Variants in DOCK4 observed in about 807,000 individuals in gnomAD.
The protein encoded by DOCK4 is dedicator of cytokinesis 4.
Under a neutral mutation model 268.1 loss-of-function variants are expected in DOCK4, and 97 were observed. That is an observed-to-expected ratio of 0.36 (90% CI 0.31 to 0.43). The LOEUF (loss-of-function observed/expected upper bound fraction) is 0.43. Among genes scored for constraint, DOCK4 ranks in the 20% least tolerant of loss-of-function variants. The probability of loss-of-function intolerance (pLI) is 1.00; values close to 1 mark genes in which losing one functional copy is unlikely to be tolerated. For synonymous variants in DOCK4, 954 were observed against 887.2 expected (o/e 1.08, Z -1.34); for missense variants, 2,145 against 2,455.7 (o/e 0.87, Z 2.67).
intron 8 of DOCK4, among the ~76,000 whole-genome samples, chr7:111,964,933 G>A (rs1797265858): frequency 8.9e-6 from 1 of 112,454 alleles, no homozygotes; most frequent in Non-Finnish European, 1.7e-5. Context: ...TTTCAACCCA[G>A]AATTTCATAT....
intron 1 of DOCK4, among the ~76,000 whole-genome samples, chr7:112,148,074 T>C (rs1350438165): frequency 1.3e-5 from 2 of 152,012 alleles, no homozygotes; most frequent in African/African-American, 4.8e-5. Flanking sequence ...TTCTAGTAAA[T>C]TGTCGCTGAA....
chr7:111,849,217 C>T (rs1804347855), intron 23 of DOCK4, among the ~76,000 whole-genome samples: 2 of 151,218 alleles, frequency 1.3e-5, no homozygotes, highest in African/African-American at 4.9e-5. Flanking sequence ...GACCCTTATT[C>T]TGGTAACAGT....
At position 111,983,862 on chromosome 7, in the gene DOCK4, G is replaced by GCACACACACACACACACACACACACA. The variant is rs1554402961; in HGVS notation, c.549+443_549+444insTGTGTGTGTGTGTGTGTGTGTGTGTG. Reference sequence around the variant, plus strand: ...CACACACACGCGCGCGCGCGCGCGCGCACACACACACACACACACACACAC... The same window carrying GCACACACACACACACACACACACACA: ...CACACACACGCGCGCGCGCGCGCGCGCACACACACACACACACACACACACACACACACACACACACACACACACAC... On this transcript the variant is annotated intron_variant, in intron 7 of 52. Transcript: ENST00000428084. 4.8e-3 allele frequency among the ~76,000 whole-genome samples: 659 copies of GCACACACACACACACACACACACACA among 138,584 alleles called. 2 individuals are homozygous for GCACACACACACACACACACACACACA. The highest frequency in any genetic ancestry group is 0.011 in the Middle Eastern group (3 of 276). 90.9% of individuals were successfully genotyped at this position (138,584 alleles called of 152,430 possible). A position where few individuals can be genotyped will look rare whatever the true frequency, so the allele number is the denominator to read the frequency against.
intron 1 of DOCK4, among the ~76,000 whole-genome samples, chr7:112,158,140 G>A (rs1166345569): frequency 6.6e-6 from 1 of 152,188 alleles, no homozygotes; most frequent in African/African-American, 2.4e-5. Context: ...AGGAGAACCT[G>A]TAAGAACAGA....
intron 7 of DOCK4, among the ~76,000 whole-genome samples, chr7:111,980,897 T>A (rs1798559881): frequency 6.6e-6 from 1 of 152,246 alleles, no homozygotes; most frequent in Non-Finnish European, 1.5e-5. Context: ...AGAAGCTGGC[T>A]AATAAGGCTC....
chr7:112,101,848 T>TC (rs1331523078), intron 1 of DOCK4, among the ~76,000 whole-genome samples: 9 of 71,134 alleles, frequency 1.3e-4, no homozygotes, highest in Admixed American at 8.5e-4. Flanking sequence ...TCTTTTTCTT[T>TC]TTTTTTTTTT....
In DOCK4 at chr7:112,206,190, C is replaced by A; in HGVS notation, c.-52G>T. ...GCTTTGTAATCCCCGCGCCCCTTCT[C>A]CGGCTCACAACAATGCACAGTCCCC... On this transcript the variant is annotated 5_prime_UTR_variant, in exon 1 of 53. Transcript: ENST00000428084. 3 of 1,540,652 alleles carry A rather than the reference C, an allele frequency of 1.9e-6. No homozygotes were observed. The highest frequency in any genetic ancestry group is 2.6e-6 in the Non-Finnish European group (3 of 1,136,330).
At chr7:111,864,762 AT>A (rs1206063958) in intron 22 of DOCK4, among the ~76,000 whole-genome samples, 2 of 152,208 alleles carry the variant, frequency 1.3e-5, no homozygotes, top group Non-Finnish European at 2.9e-5. Context: ...GCCTGCATTT[AT>A]ATAACCTTCA....
chr7:111,869,118 C>T (rs2074133), intron 21 of DOCK4, among the ~76,000 whole-genome samples: 63,995 of 151,886 alleles, frequency 0.42, 13,846 homozygotes, highest in African/African-American at 0.52. Context: ...ATGTGGGCAG[C>T]GTTAAGCCAC....
intron 52 of DOCK4, among the ~76,000 whole-genome samples, chr7:111,730,842 G>T (rs1795036481): frequency 6.6e-6 from 1 of 152,132 alleles, no homozygotes; most frequent in Admixed American, 6.5e-5. Flanking sequence ...GGTCTGCTGA[G>T]AGACAGTATA....
chr7:112,140,894 C>A (rs933177388), intron 1 of DOCK4, among the ~76,000 whole-genome samples: 3 of 152,192 alleles, frequency 2.0e-5, no homozygotes, highest in African/African-American at 7.2e-5. Flanking sequence ...TCACACCTGA[C>A]CTCGAGCAGG....
chr7:111,976,866 G>T, intron 8 of DOCK4: 1 of 287,740 alleles, frequency 3.5e-6, no homozygotes, highest in Non-Finnish European at 6.5e-6. Context: ...ACAAATAACA[G>T]ATTTGATATC....
intron 1 of DOCK4, among the ~76,000 whole-genome samples, chr7:112,171,729 A>G (rs1311318587): frequency 6.6e-6 from 1 of 152,226 alleles, no homozygotes; most frequent in Non-Finnish European, 1.5e-5. Context: ...TGGAAAGTAT[A>G]TTCCCAAATA....
At chr7:112,155,440 T>C (rs1233653747) in intron 1 of DOCK4, among the ~76,000 whole-genome samples, 1 of 152,180 alleles carries the variant, frequency 6.6e-6, no homozygotes, top group Non-Finnish European at 1.5e-5. Context: ...TGAGGAAACA[T>C]TAAGAAAATG....
rs186351220 is a variant in DOCK4, at chr7:112,090,119, T to C, written c.38-85988A>G. ...CTGGAACTTCTATTTTAGCTTTTAG[T>C]CTCAAGGTAAAGATAGCATGAATCA... On this transcript the variant is annotated intron_variant, in intron 1 of 52. Coordinates refer to ENST00000428084, the MANE Select transcript of DOCK4 (RefSeq NM_001363540.2). Among the ~76,000 whole-genome samples, 341 of 152,272 alleles carry C rather than the reference T, an allele frequency of 2.2e-3. 1 individual carries two copies. Among genetic ancestry groups the C allele is most frequent in the African/African-American group, 7.9e-3 (328 of 41,552 alleles).
chr7:111,846,730 T>TGG (rs889114110), intron 24 of DOCK4, among the ~76,000 whole-genome samples: 4 of 152,190 alleles, frequency 2.6e-5, no homozygotes, highest in Non-Finnish European at 5.9e-5. Flanking sequence ...AAGACACACG[T>TGG]GGGAGGCTTT....
chr7:111,829,151 A>G lies in DOCK4; in HGVS notation c.2835+5437T>C, dbSNP rs193103000. Among the ~76,000 whole-genome samples, 1,186 of 152,296 alleles carry G rather than the reference A, an allele frequency of 7.8e-3. 16 individuals carry two copies. Among genetic ancestry groups the G allele is most frequent in the African/African-American group, 0.027 (1,122 of 41,556 alleles). On this transcript the variant is annotated intron_variant, in intron 26 of 52. Coordinates refer to ENST00000428084, the MANE Select transcript of DOCK4 (RefSeq NM_001363540.2). ...TACTTTCTAACCTAAATGTACATAC[A>G]AAACCCCAAGTAACTCTCCTTCTAT... is the stretch of plus-strand genomic sequence containing the variant.
rs142885645 is a variant in DOCK4, at chr7:112,133,836, G to A, written c.37+72266C>T. 2.2e-3 allele frequency among the ~76,000 whole-genome samples: 329 copies of A among 152,306 alleles called. 4 individuals carry two copies. Among genetic ancestry groups the A allele is most frequent in the African/African-American group, 7.6e-3 (314 of 41,568 alleles). On this transcript the variant is annotated intron_variant, in intron 1 of 52. Transcript: ENST00000428084. The stretch of plus-strand genomic sequence containing the variant: ...GAAGAGTGCTGTATACAGGTAGGTG[G>A]TTATTAAGTGAACCAGTGTTTCTCA...
intron 12 of DOCK4, among the ~76,000 whole-genome samples, chr7:111,931,960 T>A (rs1030802914): frequency 1.3e-5 from 2 of 152,230 alleles, no homozygotes; most frequent in Non-Finnish European, 2.9e-5. Flanking sequence ...AGATGACTCC[T>A]GTCTGTAAGC....
Sources: allele counts gnomAD v4.1 joint callset (sites outside exome capture counted in the v4.1 genomes callset), GRCh38; gene constraint gnomAD v4.1.1; transcripts MANE v1.5; gene names NCBI Gene and HGNC (gene_info 2026-07-23, HGNC 2026-07-21).